The following PEBP4 variants were observed in gnomAD, a reference collection of about 807,000 sequenced individuals.
PEBP4 encodes the protein phosphatidylethanolamine binding protein 4, also known as phosphatidylethanolamine-binding protein 4.
In PEBP4, 22 loss-of-function variants were observed where a neutral mutation model predicts 23.9. The observed-to-expected ratio is 0.92, with a 90% CI of 0.66 to 1.31. The LOEUF is 1.31. Among genes scored for constraint, PEBP4 ranks in the 40% most tolerant of loss-of-function variants. The probability of loss-of-function intolerance (pLI) is 0.00; values close to 1 mark genes in which losing one functional copy is unlikely to be tolerated. For synonymous variants in PEBP4, 112 were observed against 99.3 expected (o/e 1.13, Z -0.76); for missense variants, 324 against 281.7 (o/e 1.15, Z -1.07).
In PEBP4 at chr8:22,920,286, CT is replaced by C; in HGVS notation, c.155del (p.Glu52GlyfsTer27). On this transcript the variant is annotated frameshift_variant, in exon 3 of 7. Transcript: ENST00000256404. LOFTEE classifies it high-confidence loss of function. ...FCQGLEVFYP[E>X]LGNIGCKVVP... ...CAACCTTGCAGCCAATGTTCCCCAA[CT>C]CTGGGTAGAAAACTTCAAGGCCCCT... is the stretch of plus-strand genomic sequence containing the variant. 1 of 1,613,486 alleles carries C rather than the reference CT, an allele frequency of 6.2e-7. No individual in the cohort carries two copies.
intron 3 of PEBP4, among the ~76,000 whole-genome samples, chr8:22,907,954 G>A (rs921373094): frequency 1.3e-5 from 2 of 151,860 alleles, no homozygotes; most frequent in Non-Finnish European, 2.9e-5. Context: ...AGAAAGTTGC[G>A]GTGAGCCAAG....
chr8:22,836,274 G>A (rs1033205814), intron 3 of PEBP4, among the ~76,000 whole-genome samples: 3 of 152,240 alleles, frequency 2.0e-5, no homozygotes, highest in African/African-American at 7.2e-5. Flanking sequence ...AAAGACAAGT[G>A]AATGGCTTCT....
intron 4 of PEBP4, among the ~76,000 whole-genome samples, chr8:22,736,571 C>T (rs1370987871): frequency 6.6e-6 from 1 of 152,178 alleles, no homozygotes; most frequent in Non-Finnish European, 1.5e-5. Context: ...TGCACCACTG[C>T]ATTCCAGCTT....
At chr8:22,828,271 C>T (rs950614134) in intron 3 of PEBP4, among the ~76,000 whole-genome samples, 2 of 152,154 alleles carry the variant, frequency 1.3e-5, no homozygotes, top group Admixed American at 6.5e-5. Context: ...TTCTGGTTTC[C>T]GGCCTCAATC....
chr8:22,739,995 T>A, intron 4 of PEBP4, among the ~76,000 whole-genome samples: 1 of 152,180 alleles, frequency 6.6e-6, no homozygotes, highest in Non-Finnish European at 1.5e-5. Flanking sequence ...AGATTCCTCG[T>A]TCTGTTCTCT....
At chr8:22,806,593 T>C (rs1327547540) in intron 4 of PEBP4, among the ~76,000 whole-genome samples, 3 of 136,634 alleles carry the variant, frequency 2.2e-5, no homozygotes, top group Non-Finnish European at 3.0e-5. Flanking sequence ...CCAGCCTGGG[T>C]GACAGAGCAA....
At chr8:22,721,159 T>C (rs868382311) in intron 6 of PEBP4, among the ~76,000 whole-genome samples, 2 of 152,140 alleles carry the variant, frequency 1.3e-5, no homozygotes, top group African/African-American at 4.8e-5. Context: ...AAGTCGAGCC[T>C]CATCAGTTGG....
intron 3 of PEBP4, among the ~76,000 whole-genome samples, chr8:22,826,897 C>T (rs1254768617): frequency 6.6e-6 from 1 of 152,096 alleles, no homozygotes; most frequent in African/African-American, 2.4e-5. Context: ...TATAAAATAA[C>T]GTGGAATGTG....
intron 3 of PEBP4, among the ~76,000 whole-genome samples, chr8:22,829,972 C>T (rs990236149): frequency 5.3e-5 from 8 of 152,234 alleles, no homozygotes; most frequent in Non-Finnish European, 1.2e-4. Flanking sequence ...ATCCTCATCA[C>T]ACTTGGCGTC....
At chr8:22,808,018 A>G (rs966425267) in intron 4 of PEBP4, among the ~76,000 whole-genome samples, 6 of 151,256 alleles carry the variant, frequency 4.0e-5, no homozygotes, top group Non-Finnish European at 8.8e-5. Context: ...CCACCTACCT[A>G]CCTAATCTTT....
chr8:22,911,675 A>G (rs1808941338), intron 3 of PEBP4, among the ~76,000 whole-genome samples: 2 of 152,212 alleles, frequency 1.3e-5, no homozygotes, highest in Admixed American at 1.3e-4. Flanking sequence ...GCCGGCAGCT[A>G]TTTTAAAATC....
At chr8:22,835,969 A>C (rs925639377) in intron 3 of PEBP4, among the ~76,000 whole-genome samples, 1 of 152,220 alleles carries the variant, frequency 6.6e-6, no homozygotes, top group Admixed American at 6.5e-5. Flanking sequence ...CAGACGTGTA[A>C]ACAGCAACAG....
intron 4 of PEBP4, among the ~76,000 whole-genome samples, chr8:22,741,639 C>T (rs1804997273): frequency 6.6e-6 from 1 of 152,130 alleles, no homozygotes; most frequent in Non-Finnish European, 1.5e-5. Context: ...CACTGTGCCA[C>T]CCCATCAGTG....
chr8:22,854,960 G>A (rs561612489), intron 3 of PEBP4, among the ~76,000 whole-genome samples: 100 of 126,400 alleles, frequency 7.9e-4, no homozygotes, highest in South Asian at 2.4e-3. Flanking sequence ...GTGTGTGCGT[G>A]CAAGCTTGTC....
intron 2 of PEBP4, among the ~76,000 whole-genome samples, chr8:22,927,011 G>A (rs926196965): frequency 2.6e-5 from 4 of 152,104 alleles, no homozygotes; most frequent in Admixed American, 1.3e-4. Flanking sequence ...AGAGCCGAAC[G>A]CCAGGCTTTC....
chr8:22,897,345 G>T (rs1563253097), intron 3 of PEBP4, among the ~76,000 whole-genome samples: 1 of 152,152 alleles, frequency 6.6e-6, no homozygotes, highest in Non-Finnish European at 1.5e-5. Flanking sequence ...GAGGAGGGGA[G>T]GTAGAGGAGA....
At chr8:22,842,714 C>T (rs537941543) in intron 3 of PEBP4, among the ~76,000 whole-genome samples, 3 of 152,322 alleles carry the variant, frequency 2.0e-5, no homozygotes, top group East Asian at 1.9e-4. Flanking sequence ...GCTTCACCTG[C>T]GTGCAGCCTC....
intron 3 of PEBP4, among the ~76,000 whole-genome samples, chr8:22,917,391 A>G (rs1809099716): frequency 6.6e-6 from 1 of 151,932 alleles, no homozygotes; most frequent in African/African-American, 2.4e-5. Flanking sequence ...TCCAACTACC[A>G]CCTTCCCTAG....
At chr8:22,840,332 T>C (rs1042527302) in intron 3 of PEBP4, among the ~76,000 whole-genome samples, 6 of 152,250 alleles carry the variant, frequency 3.9e-5, no homozygotes, top group African/African-American at 1.4e-4. Flanking sequence ...TGGATGAAAA[T>C]GTGACCCTAT....
Sources: allele counts gnomAD v4.1 joint callset (sites outside exome capture counted in the v4.1 genomes callset), GRCh38; gene constraint gnomAD v4.1.1; transcripts MANE v1.5; gene names NCBI Gene and HGNC (gene_info 2026-07-23, HGNC 2026-07-21).